Variants in WDFY3 observed in about 807,000 individuals in gnomAD.
WDFY3 encodes the protein WD repeat and FYVE domain containing 3.
WDFY3 carries 66 observed loss-of-function variants against 409.6 expected under a neutral mutation model. The observed-to-expected ratio is 0.16, with a 90% confidence interval of 0.13 to 0.20. WDFY3 has a LOEUF of 0.20. Ranked by LOEUF, WDFY3 falls within the 10% of genes least tolerant of loss-of-function variation. The probability of loss-of-function intolerance (pLI) is 1.00; values close to 1 mark genes in which losing one functional copy is unlikely to be tolerated. For missense variants in WDFY3, 3,031 were observed against 4,298.1 expected, an observed-to-expected ratio of 0.71 and a Z score of 8.24; for synonymous variants, 1,521 against 1,537.1, an observed-to-expected ratio of 0.99 and a Z score of 0.25.
chr4:84,937,699 G>A (rs893646845), intron 1 of WDFY3, among the ~76,000 whole-genome samples: 8 of 152,034 alleles, frequency 5.3e-5, no homozygotes, highest in Non-Finnish European at 1.2e-4. Context: ...CTCAGAGTAG[G>A]CCATTTTTTT....
chr4:84,950,961 A>G (rs1235843745), intron 1 of WDFY3, among the ~76,000 whole-genome samples: 1 of 152,212 alleles, frequency 6.6e-6, no homozygotes, highest in Admixed American at 6.5e-5. Context: ...CTAAGGAGAC[A>G]AAGTGTAATG....
intron 1 of WDFY3, among the ~76,000 whole-genome samples, chr4:84,937,949 T>C (rs1771640543): frequency 6.6e-6 from 1 of 152,172 alleles, no homozygotes; most frequent in Non-Finnish European, 1.5e-5. Flanking sequence ...CCCATGCATA[T>C]ATACCTGTGA....
intron 38 of WDFY3, among the ~76,000 whole-genome samples, chr4:84,741,493 T>G (rs1198980421): frequency 2.6e-5 from 4 of 152,062 alleles, no homozygotes; most frequent in Non-Finnish European, 5.9e-5. Context: ...TTTTGTATTT[T>G]CAGCAGAGAC....
intron 1 of WDFY3, among the ~76,000 whole-genome samples, chr4:84,962,673 T>A (rs1441955683): frequency 6.6e-6 from 1 of 151,834 alleles, no homozygotes; most frequent in Non-Finnish European, 1.5e-5. Flanking sequence ...TAGGAGCCAT[T>A]TCTTTTTTTT....
chr4:84,767,688 G>T (rs1035436354), intron 30 of WDFY3, among the ~76,000 whole-genome samples: 21 of 151,442 alleles, frequency 1.4e-4, no homozygotes, highest in African/African-American at 3.9e-4. Context: ...CTAGATAGAA[G>T]ACTAAATCAT....
chr4:84,740,773 C>T (rs541456547), intron 38 of WDFY3, among the ~76,000 whole-genome samples: 3 of 151,996 alleles, frequency 2.0e-5, no homozygotes, highest in South Asian at 4.2e-4. Context: ...TTCAAAAGTA[C>T]TGAAAAAAAT....
chr4:84,848,196 G>T (rs531681071), intron 5 of WDFY3, among the ~76,000 whole-genome samples: 20 of 151,404 alleles, frequency 1.3e-4, no homozygotes, highest in African/African-American at 4.8e-4. Context: ...TCTACCACAA[G>T]GCATGTTATT....
rs767827545 is a variant in WDFY3 at position 84,796,729 on chromosome 4, C to T, written c.2959G>A (p.Gly987Ser). 1.1e-5 allele frequency: 17 copies of T among 1,613,328 alleles called. No individual in the cohort carries two copies. The highest frequency in any genetic ancestry group is 1.4e-5 in the Non-Finnish European group (16 of 1,179,642). ...CTAAAAACATTATCAGTACCCAGAC[C>T]TTCCAGAGATGTGATCATACTACCT... ...MRSSMITSLEGLGTDNVFSLH... is the reference protein window; with the variant it reads ...MRSSMITSLESLGTDNVFSLH... Residue 987 changes from glycine (G) to serine (S), a missense_variant, in exon 19 of 68, where the codon GGT becomes AGT. By Grantham distance (56) the Gly-to-Ser change is moderately conservative. Coordinates refer to ENST00000295888, the MANE Select transcript of WDFY3 (RefSeq NM_014991.6).
intron 24 of WDFY3, among the ~76,000 whole-genome samples, chr4:84,783,862 TACACACACACACACAC>T (rs137878462): frequency 1.4e-5 from 2 of 140,856 alleles, no homozygotes; most frequent in Admixed American, 7.1e-5. Context: ...GTGTCATACA[TACACACACACACACAC>T]ACACACACAC....
chr4:84,737,312 C>A lies in WDFY3; in HGVS notation c.6629G>T (p.Ser2210Ile). 1 of 1,613,526 alleles carries A rather than the reference C, an allele frequency of 6.2e-7. No homozygotes were observed. Among genetic ancestry groups the A allele is most frequent in the African/African-American group, 1.3e-5 (1 of 74,990 alleles). Residue 2210 changes from serine (S) to isoleucine (I), a missense_variant, in exon 41 of 68, where the codon AGT becomes ATT. Coordinates refer to ENST00000295888, the MANE Select transcript of WDFY3 (RefSeq NM_014991.6). ...VNRVWTELIHSKKQVLEELFK... is the reference protein window; with the variant it reads ...VNRVWTELIHIKKQVLEELFK... ...AAGTTCCTCTAAGACTTGTTTCTTA[C>A]TATGTATCAGTTCAGTCCAAACTCT...
intron 3 of WDFY3, among the ~76,000 whole-genome samples, chr4:84,869,285 C>A (rs1197434063): frequency 2.0e-5 from 3 of 152,214 alleles, no homozygotes; most frequent in South Asian, 4.1e-4. Flanking sequence ...GTGGTCTTCA[C>A]TAGAATCACT....
chr4:84,682,325 A>G (rs544395422), intron 64 of WDFY3, 49 bp downstream of exon 64: 2 of 1,562,290 alleles, frequency 1.3e-6, no homozygotes, highest in African/African-American at 2.7e-5. Flanking sequence ...ACAGTGACTT[A>G]AAAGAAATAT....
At chr4:84,864,669 A>G (rs537348583) in intron 3 of WDFY3, among the ~76,000 whole-genome samples, 5 of 152,238 alleles carry the variant, frequency 3.3e-5, no homozygotes, top group African/African-American at 1.2e-4. Context: ...CAAGATAACA[A>G]CTCATTCAAA....
At chr4:84,930,420 C>T (rs767922047) in intron 2 of WDFY3, among the ~76,000 whole-genome samples, 27 of 152,154 alleles carry the variant, frequency 1.8e-4, no homozygotes, top group Non-Finnish European at 3.4e-4. Flanking sequence ...TACATTAATT[C>T]TTTATAATAA....
At chr4:84,705,643 C>T (rs927648916) in intron 53 of WDFY3, 132 bp from the exon 54 acceptor site, 2 of 720,436 alleles carry the variant, frequency 2.8e-6, no homozygotes, top group African/African-American at 3.5e-5. Flanking sequence ...ACTGGTATAA[C>T]TGGACTCCAA....
chr4:84,900,278 T>A (rs576342839), intron 2 of WDFY3, among the ~76,000 whole-genome samples: 1 of 151,846 alleles, frequency 6.6e-6, no homozygotes, highest in Non-Finnish European at 1.5e-5. Flanking sequence ...CAGGCTGGAG[T>A]TCAGTGGTAC....
At chr4:84,869,460 G>A (rs993746143) in intron 3 of WDFY3, among the ~76,000 whole-genome samples, 1 of 151,962 alleles carries the variant, frequency 6.6e-6, no homozygotes, top group African/African-American at 2.4e-5. Flanking sequence ...TTGGGTTGCT[G>A]GGTACTACAG....
intron 1 of WDFY3, among the ~76,000 whole-genome samples, chr4:84,950,961 A>C (rs1235843745): frequency 6.6e-6 from 1 of 152,212 alleles, no homozygotes; most frequent in Non-Finnish European, 1.5e-5. Flanking sequence ...CTAAGGAGAC[A>C]AAGTGTAATG....
At chr4:84,952,497 C>T (rs1177507944) in intron 1 of WDFY3, among the ~76,000 whole-genome samples, 3 of 152,118 alleles carry the variant, frequency 2.0e-5, no homozygotes, top group Non-Finnish European at 4.4e-5. Flanking sequence ...AACAACACCC[C>T]TTTATACAGA....
Sources: gnomAD v4.1 joint callset for allele counts (sites outside exome capture counted in the v4.1 genomes callset) on GRCh38, gnomAD v4.1.1 for gene constraint, MANE v1.5 for transcripts, NCBI Gene and HGNC (gene_info 2026-07-23, HGNC 2026-07-21) for gene names.